RNF121: variants seen among roughly 807,000 people sequenced by gnomAD.
RNF121 encodes the protein ring finger protein 121, also known as E3 ubiquitin ligase RNF121.
RNF121 carries 21 observed loss-of-function variants against 46.5 expected under a neutral mutation model. That is an observed-to-expected ratio of 0.45 (90% confidence interval 0.32 to 0.65). The LOEUF is 0.65. Among genes scored for constraint, RNF121 ranks in the 30% least tolerant of loss-of-function variants. The pLI, the probability that RNF121 is intolerant of heterozygous loss-of-function variation, is 0.04. For missense variants in RNF121, 346 were observed against 416.0 expected, an observed-to-expected ratio of 0.83 and a Z score of 1.46; for synonymous variants, 139 against 144.7, an observed-to-expected ratio of 0.96 and a Z score of 0.28.
chr11:71,962,447 CT>C (rs1954159794), intron 3 of RNF121, among the ~76,000 whole-genome samples: 1 of 152,160 alleles, frequency 6.6e-6, no homozygotes, highest in South Asian at 2.1e-4. Context: ...CCTAACACCT[CT>C]GCTTCCCCCT....
Position 71,987,130 on chromosome 11 carries a change from T to G in RNF121, c.506+19T>G. On this transcript the variant is annotated intron_variant, in intron 5 of 8. Coordinates refer to ENST00000361756, the MANE Select transcript of RNF121 (RefSeq NM_018320.5). ...TATTCAAGTGAGTACCCTTTGTTTTTGTTTTTGCTGGAGTTTGGGGAGGAG... is the reference window on the plus strand; with the variant it reads ...TATTCAAGTGAGTACCCTTTGTTTTGGTTTTTGCTGGAGTTTGGGGAGGAG... 6.6e-7 allele frequency: 1 copy of G among 1,520,254 alleles called. No individual in the cohort carries two copies. The highest frequency in any genetic ancestry group is 2.3e-5 in the East Asian group (1 of 44,420). 94.2% of individuals were successfully genotyped at this position (1,520,254 alleles called of 1,614,324 possible).
chr11:71,966,239 G>A (rs1040512406), intron 3 of RNF121, among the ~76,000 whole-genome samples: 27 of 152,136 alleles, frequency 1.8e-4, no homozygotes, highest in African/African-American at 6.0e-4. Flanking sequence ...GGCTGGTCTC[G>A]AATGCCTGAC....
chr11:71,958,371 G>A (rs1274415690), intron 2 of RNF121, among the ~76,000 whole-genome samples: 1 of 152,122 alleles, frequency 6.6e-6, no homozygotes, highest in Non-Finnish European at 1.5e-5. Context: ...TCTTTGAAGG[G>A]GTGGCATTGG....
At chr11:71,946,735 C>T (rs1953731129) in intron 1 of RNF121, among the ~76,000 whole-genome samples, 2 of 150,126 alleles carry the variant, frequency 1.3e-5, no homozygotes, top group African/African-American at 2.5e-5. Context: ...TTTTTGGAGA[C>T]AGAATCTCCC....
chr11:71,957,556 A>G (rs1449059843), intron 2 of RNF121, among the ~76,000 whole-genome samples: 2 of 152,202 alleles, frequency 1.3e-5, no homozygotes, highest in African/African-American at 2.4e-5. Context: ...ACTTTGCCCC[A>G]TTTGTAAAAT....
chr11:71,947,954 C>T (rs1333590963), intron 1 of RNF121, among the ~76,000 whole-genome samples: 1 of 152,168 alleles, frequency 6.6e-6, no homozygotes, highest in Non-Finnish European at 1.5e-5. Flanking sequence ...ATGATCAGCA[C>T]ATGAACTGTA....
At chr11:71,950,988 G>T (rs184114374) in intron 1 of RNF121, among the ~76,000 whole-genome samples, 1 of 152,164 alleles carries the variant, frequency 6.6e-6, no homozygotes. Flanking sequence ...ACTTTGGGAG[G>T]CTGAGGTGGA....
Position 71,996,353 on chromosome 11 carries a change from C to T in RNF121, c.*38C>T, listed in dbSNP as rs1349518079. ...TCAGTGGAAAACCCACCCCACACGCCATGGACCTCAGGGCACTCTCCTCCC... is the reference window on the plus strand; with the variant it reads ...TCAGTGGAAAACCCACCCCACACGCTATGGACCTCAGGGCACTCTCCTCCC... On this transcript the variant is annotated 3_prime_UTR_variant, in exon 9 of 9. Coordinates refer to ENST00000361756, the MANE Select transcript of RNF121 (RefSeq NM_018320.5). 1.2e-6 allele frequency: 2 copies of T among 1,608,898 alleles called. No individual in the cohort carries two copies. Among genetic ancestry groups the T allele is most frequent in the Non-Finnish European group, 1.7e-6 (2 of 1,177,234 alleles).
chr11:71,974,430 G>A (rs541751478), intron 3 of RNF121, among the ~76,000 whole-genome samples: 4 of 152,294 alleles, frequency 2.6e-5, no homozygotes, highest in Admixed American at 6.5e-5. Flanking sequence ...GTAGACTTGA[G>A]TTCTTCTCAT....
At chr11:71,982,335 CAAAAAAA>C (rs10635678) in intron 3 of RNF121, among the ~76,000 whole-genome samples, 1,766 of 79,130 alleles carry the variant, frequency 0.022, 40 homozygotes, top group Non-Finnish European at 0.03. Context: ...GACTCCATCT[CAAAAAAA>C]AAAAAAAAAA....
intron 1 of RNF121, among the ~76,000 whole-genome samples, chr11:71,939,948 G>A (rs531859031): frequency 3.9e-5 from 6 of 152,206 alleles, no homozygotes; most frequent in East Asian, 1.9e-4. Context: ...TATAAATTAC[G>A]TACAAGATGC....
intron 3 of RNF121, among the ~76,000 whole-genome samples, chr11:71,979,857 T>A (rs1289532694): frequency 6.6e-6 from 1 of 152,208 alleles, no homozygotes; most frequent in Non-Finnish European, 1.5e-5. Context: ...GTGACCAGAC[T>A]ATGTGATTTA....
At chr11:71,988,981 CAG>C (rs944075879) in intron 5 of RNF121, among the ~76,000 whole-genome samples, 7 of 152,106 alleles carry the variant, frequency 4.6e-5, no homozygotes, top group Admixed American at 1.3e-4. Flanking sequence ...TCAAAGAAAA[CAG>C]ATATCTCCTG....
At chr11:71,943,176 A>G (rs564466669) in intron 1 of RNF121, among the ~76,000 whole-genome samples, 14 of 152,344 alleles carry the variant, frequency 9.2e-5, no homozygotes, top group Admixed American at 7.8e-4. Context: ...TAAATTTAGA[A>G]TATGTTTTGA....
intron 6 of RNF121, among the ~76,000 whole-genome samples, chr11:71,992,807 A>T (rs947567693): frequency 6.8e-6 from 1 of 146,050 alleles, no homozygotes; most frequent in South Asian, 2.3e-4. Flanking sequence ...TTAACAGCCA[A>T]TCTGAGAAAC....
chr11:71,931,588 G>A (rs1473141367), intron 1 of RNF121, among the ~76,000 whole-genome samples: 1 of 152,166 alleles, frequency 6.6e-6, no homozygotes, highest in East Asian at 1.9e-4. Flanking sequence ...GTTATGCACT[G>A]ATAATTCAAA....
intron 1 of RNF121, among the ~76,000 whole-genome samples, chr11:71,952,802 T>C (rs1565146424): frequency 4.7e-5 from 3 of 64,378 alleles, no homozygotes; most frequent in Admixed American, 4.4e-4. Flanking sequence ...AGCAAGACTC[T>C]GTCTCAAAAA....
intron 1 of RNF121, among the ~76,000 whole-genome samples, chr11:71,950,995 T>C (rs1590781662): frequency 6.6e-6 from 1 of 152,042 alleles, no homozygotes; most frequent in African/African-American, 2.4e-5. Flanking sequence ...GAGGCTGAGG[T>C]GGACGGATCA....
chr11:71,973,594 C>T (rs183769759), intron 3 of RNF121, among the ~76,000 whole-genome samples: 1 of 152,112 alleles, frequency 6.6e-6, no homozygotes, highest in South Asian at 2.1e-4. Context: ...CAAGACCAGC[C>T]TGACCAACAT....
Sources: gnomAD v4.1 joint callset for allele counts (sites outside exome capture counted in the v4.1 genomes callset) on GRCh38, gnomAD v4.1.1 for gene constraint, MANE v1.5 for transcripts, NCBI Gene and HGNC (gene_info 2026-07-23, HGNC 2026-07-21) for gene names.